The following ACMSD variants were observed in gnomAD, a reference collection of about 807,000 sequenced individuals.
The protein encoded by ACMSD is 2-amino-3-carboxymuconate-6-semialdehyde decarboxylase.
ACMSD carries 37 observed loss-of-function variants against 45.9 expected under a neutral mutation model. The ratio of observed to expected loss-of-function variants is 0.81; its 90% CI spans 0.62 to 1.06. The LOEUF is 1.06. Ranked by LOEUF, ACMSD falls within the 50% of genes least tolerant of loss-of-function variation. The probability of loss-of-function intolerance (pLI) is 0.00; values close to 1 mark genes in which losing one functional copy is unlikely to be tolerated. For synonymous variants in ACMSD, 138 were observed against 148.8 expected (o/e 0.93, Z 0.53); for missense variants, 434 against 420.9 (o/e 1.03, Z -0.27).
intron 8 of ACMSD, among the ~76,000 whole-genome samples, chr2:134,874,362 T>C (rs1429361665): frequency 6.6e-6 from 1 of 152,226 alleles, no homozygotes; most frequent in Middle Eastern, 3.2e-3. Flanking sequence ...GCGGTATATA[T>C]TAATAATTTA....
chr2:134,838,779 T>C, intron 1 of ACMSD, 40 bp downstream of exon 1: 1 of 1,503,762 alleles, frequency 6.6e-7, no homozygotes, highest in Non-Finnish European at 9.2e-7. Flanking sequence ...CTGAAACTTC[T>C]CCAGGGTTTC....
Position 134,845,224 on chromosome 2 carries a change from C to G in ACMSD, c.58-9C>G. ...TCTTTGACTCTAACTGTGCTTCTCC[C>G]CACTGCAGAGGTTTGGCTACGGAGG... On this transcript the variant is annotated splice_polypyrimidine_tract_variant and intron_variant, in intron 1 of 9. Transcript: ENST00000356140. 6.2e-7 allele frequency: 1 copy of G among 1,614,088 alleles called. No individual in the cohort carries two copies. The highest frequency in any genetic ancestry group is 8.5e-7 in the Non-Finnish European group (1 of 1,179,988).
At chr2:134,894,244 G>GGCCC (rs1472681574) in intron 8 of ACMSD, among the ~76,000 whole-genome samples, 9 of 151,726 alleles carry the variant, frequency 5.9e-5, no homozygotes, top group Non-Finnish European at 1.2e-4. Context: ...CAAAAATAAA[G>GGCCC]AAAAAAGATT....
intron 8 of ACMSD, among the ~76,000 whole-genome samples, chr2:134,887,136 T>C (rs1435591905): frequency 6.6e-6 from 1 of 152,230 alleles, no homozygotes; most frequent in East Asian, 1.9e-4. Context: ...CAGAGAACTC[T>C]ACGATGTTAA....
chr2:134,842,744 G>A (rs899275606), intron 1 of ACMSD, among the ~76,000 whole-genome samples: 1 of 152,130 alleles, frequency 6.6e-6, no homozygotes, highest in African/African-American at 2.4e-5. Context: ...GAAAACTTAT[G>A]TCCCCACCAC....
chr2:134,863,051 G>T (rs1172616737), intron 4 of ACMSD: 1 of 975,932 alleles, frequency 1.0e-6, no homozygotes, highest in Non-Finnish European at 1.2e-6. Context: ...CGACCTCCTG[G>T]GAGGTAGGGG....
intron 8 of ACMSD, among the ~76,000 whole-genome samples, chr2:134,895,338 A>ATATGTTATATATATATATATATAAT (rs1553517011): frequency 6.9e-6 from 1 of 145,428 alleles, no homozygotes; most frequent in African/African-American, 2.5e-5. Context: ...TTATATATAT[A>ATATGTTATATATATATATATATAAT]ATATATATAT....
chr2:134,850,146 C>T (rs1385737637), intron 2 of ACMSD, among the ~76,000 whole-genome samples: 1 of 148,286 alleles, frequency 6.7e-6, no homozygotes, highest in East Asian at 2.0e-4. Flanking sequence ...GATTGCAAAA[C>T]AAAATAGTAG....
intron 1 of ACMSD, among the ~76,000 whole-genome samples, chr2:134,843,468 A>T (rs1012531749): frequency 6.6e-6 from 1 of 152,196 alleles, no homozygotes; most frequent in Admixed American, 6.5e-5. Context: ...CCCCAGGCAC[A>T]GACAGAGACA....
At chr2:134,884,562 A>T (rs1055242294) in intron 8 of ACMSD, among the ~76,000 whole-genome samples, 42 of 152,144 alleles carry the variant, frequency 2.8e-4, no homozygotes, top group African/African-American at 9.4e-4. Context: ...TAGCAAGAGG[A>T]GTTTAGAAAT....
intron 8 of ACMSD, among the ~76,000 whole-genome samples, chr2:134,895,535 A>C (rs1690092697): frequency 6.6e-6 from 1 of 150,970 alleles, no homozygotes. Context: ...TTTTTTGGCA[A>C]AAATTGATAA....
chr2:134,894,662 C>G (rs1689990232), intron 8 of ACMSD, among the ~76,000 whole-genome samples: 1 of 152,160 alleles, frequency 6.6e-6, no homozygotes, highest in African/African-American at 2.4e-5. Flanking sequence ...CAACTAACAT[C>G]ACACTTAATA....
chr2:134,884,027 A>G (rs1689189466), intron 8 of ACMSD, among the ~76,000 whole-genome samples: 1 of 152,224 alleles, frequency 6.6e-6, no homozygotes. Context: ...ATTACTGACA[A>G]GTCAGAAATG....
chr2:134,872,750 T>G, intron 8 of ACMSD, 109 bp downstream of exon 8: 2 of 1,310,304 alleles, frequency 1.5e-6, no homozygotes, highest in Non-Finnish European at 1.1e-6. Flanking sequence ...AGAAAGGTAT[T>G]AGATGAAAGG....
chr2:134,880,624 G>A (rs1178294626), intron 8 of ACMSD, among the ~76,000 whole-genome samples: 1 of 151,684 alleles, frequency 6.6e-6, no homozygotes, highest in African/African-American at 2.4e-5. Context: ...TCCTTGTTGG[G>A]TGGATGCAAT....
chr2:134,895,358 AATATAT>A (rs527577846), intron 8 of ACMSD, among the ~76,000 whole-genome samples: 1 of 145,052 alleles, frequency 6.9e-6, no homozygotes, highest in African/African-American at 2.5e-5. Context: ...TAACATATAT[AATATAT>A]ATATATGTTA....
intron 1 of ACMSD, 64 bp from the exon 2 acceptor site, chr2:134,845,169 C>A: frequency 6.4e-7 from 1 of 1,566,212 alleles, no homozygotes; most frequent in South Asian, 1.1e-5. Flanking sequence ...CTGCACTTAG[C>A]ATGCCCCTTG....
At position 134,847,264 on chromosome 2, in the gene ACMSD, G is replaced by C. The variant is rs563391917; in HGVS notation, c.102+1987G>C. ...AGGGAGAGTGAAAAAGAGGCAAAAA[G>C]ATGGAGAGGAAGCCAGAAACCTCAT... On this transcript the variant is annotated intron_variant, in intron 2 of 9. Coordinates refer to ENST00000356140, the MANE Select transcript of ACMSD (RefSeq NM_138326.3). Among the ~76,000 whole-genome samples, 3 of 152,244 alleles carry C rather than the reference G, an allele frequency of 2.0e-5. No individual in the cohort carries two copies. In the East Asian group the frequency reaches 5.8e-4, roughly 29 times the overall value.
chr2:134,876,751 C>T (rs1352555117), intron 8 of ACMSD, among the ~76,000 whole-genome samples: 1 of 152,072 alleles, frequency 6.6e-6, no homozygotes, highest in African/African-American at 2.4e-5. Context: ...TATATCATTA[C>T]CAAGTCTTAC....
Sources: allele counts gnomAD v4.1 joint callset (sites outside exome capture counted in the v4.1 genomes callset), GRCh38; gene constraint gnomAD v4.1.1; transcripts MANE v1.5; gene names NCBI Gene and HGNC (gene_info 2026-07-23, HGNC 2026-07-21).